The following ASTN1 variants were observed in gnomAD, a reference collection of about 807,000 sequenced individuals.
ASTN1 encodes the protein astrotactin-1.
Under a neutral mutation model 140.7 loss-of-function variants are expected in ASTN1, and 41 were observed. That is an observed-to-expected ratio of 0.29 (90% confidence interval 0.23 to 0.38). The LOEUF (loss-of-function observed/expected upper bound fraction) is 0.38. Among genes scored for constraint, ASTN1 ranks in the 10% least tolerant of loss-of-function variants. The probability of loss-of-function intolerance (pLI) is 1.00; values close to 1 mark genes in which losing one functional copy is unlikely to be tolerated. For missense variants in ASTN1, 1,479 were observed against 1,678.8 expected (o/e 0.88, Z 2.08); for synonymous variants, 640 against 652.2 (o/e 0.98, Z 0.29).
chr1:176,905,841 G>A (rs1176023423), intron 16 of ASTN1, among the ~76,000 whole-genome samples: 1 of 152,194 alleles, frequency 6.6e-6, no homozygotes, highest in Non-Finnish European at 1.5e-5. Flanking sequence ...ATTACGAGAT[G>A]TGGTTTCACC....
At chr1:176,924,739 T>C (rs1016728539) in intron 16 of ASTN1, among the ~76,000 whole-genome samples, 1 of 152,224 alleles carries the variant, frequency 6.6e-6, no homozygotes, top group South Asian at 2.1e-4. Flanking sequence ...CAGAATATGA[T>C]AAAATTAACT....
intron 14 of ASTN1, among the ~76,000 whole-genome samples, chr1:176,939,095 GAGCAGGAC>G (rs1671574598): frequency 6.6e-6 from 1 of 151,310 alleles, no homozygotes; most frequent in African/African-American, 2.4e-5. Context: ...ATGGGTGACA[GAGCAGGAC>G]ACCATCTCAA....
rs537943866 is a variant in ASTN1 at position 176,914,809 on chromosome 1, C to A, written c.2671+19343G>T. ...GCAACCGTGTACAGAGAATGAGGGACAATCCAGGGGGTATTTTAGAAGAAA... is the reference window on the plus strand; with the variant it reads ...GCAACCGTGTACAGAGAATGAGGGAAAATCCAGGGGGTATTTTAGAAGAAA... On this transcript the variant is annotated intron_variant, in intron 16 of 22. Coordinates refer to ENST00000361833, the MANE Select transcript of ASTN1 (RefSeq NM_004319.3). Among the ~76,000 whole-genome samples, 4 of 152,248 alleles carry A rather than the reference C, an allele frequency of 2.6e-5. No individual in the cohort carries two copies. In the East Asian group the frequency reaches 7.7e-4, roughly 29 times the overall value.
At chr1:177,035,458 T>G (rs1676667429) in intron 2 of ASTN1, among the ~76,000 whole-genome samples, 1 of 152,206 alleles carries the variant, frequency 6.6e-6, no homozygotes, top group Admixed American at 6.5e-5. Context: ...TAGCTGACAG[T>G]GGGTCAAAGG....
chr1:176,912,092 C>A lies in ASTN1; in HGVS notation c.2672-17262G>T, dbSNP rs1485504419. On this transcript the variant is annotated intron_variant, in intron 16 of 22. Coordinates refer to ENST00000361833, the MANE Select transcript of ASTN1 (RefSeq NM_004319.3). ...CTTTAATAAAATATCAAATAAGGAC[C>A]AGATTATATCAGGAGACGTATGCAA... 2.0e-5 allele frequency among the ~76,000 whole-genome samples: 3 copies of A among 152,082 alleles called. No individual in the cohort carries two copies. The East Asian group carries it at 5.8e-4, about 29-fold the overall frequency.
intron 1 of ASTN1, among the ~76,000 whole-genome samples, chr1:177,151,822 A>G (rs914004857): frequency 2.0e-5 from 3 of 152,192 alleles, no homozygotes; most frequent in Non-Finnish European, 4.4e-5. Context: ...TCTGTAGCCC[A>G]TATGTGGCCA....
chr1:176,897,411 G>T (rs1403100599), intron 16 of ASTN1, among the ~76,000 whole-genome samples: 2 of 152,072 alleles, frequency 1.3e-5, no homozygotes, highest in African/African-American at 4.8e-5. Context: ...AGGGCTTGAG[G>T]GTCTCCTGGT....
intron 16 of ASTN1, among the ~76,000 whole-genome samples, chr1:176,913,421 T>C (rs1670336695): frequency 6.6e-6 from 1 of 152,236 alleles, no homozygotes; most frequent in African/African-American, 2.4e-5. Context: ...GTGCCCAGCA[T>C]TGGGCTAGGT....
At position 176,982,027 on chromosome 1, in the gene ASTN1, C is replaced by T. The variant is rs1421176695; in HGVS notation, c.1524-16790G>A. ...GAGGTAACTAACTGGAAGGGGAGGT[C>T]AGCAGGAAGACAGAAGAGTCTTAAG... On this transcript the variant is annotated intron_variant, in intron 8 of 22. Transcript: ENST00000361833. Among the ~76,000 whole-genome samples, 3 of 152,108 alleles carry T rather than the reference C, an allele frequency of 2.0e-5. No homozygotes were observed. In the East Asian group the frequency reaches 5.8e-4, roughly 29 times the overall value.
chr1:177,080,179 C>T (rs760776805), intron 1 of ASTN1, among the ~76,000 whole-genome samples: 11 of 151,098 alleles, frequency 7.3e-5, no homozygotes, highest in Non-Finnish European at 1.3e-4. Flanking sequence ...TGTTCAACAG[C>T]CACCCACCTA....
At chr1:176,933,655 T>C (rs1023719794) in intron 16 of ASTN1, among the ~76,000 whole-genome samples, 1 of 152,208 alleles carries the variant, frequency 6.6e-6, no homozygotes, top group African/African-American at 2.4e-5. Flanking sequence ...ACTTGGCCAA[T>C]AGAGATTCCC....
chr1:176,977,577 G>A (rs779557864), intron 8 of ASTN1, among the ~76,000 whole-genome samples: 2 of 152,202 alleles, frequency 1.3e-5, no homozygotes, highest in Non-Finnish European at 2.9e-5. Flanking sequence ...CATTTATTTT[G>A]TCAATTTTGA....
At chr1:176,965,066 C>G in intron 9 of ASTN1, 97 bp downstream of exon 9, 2 of 1,183,790 alleles carry the variant, frequency 1.7e-6, no homozygotes, top group Non-Finnish European at 1.2e-6. Flanking sequence ...CAAGGTGTTT[C>G]CTATTTTATA....
chr1:177,081,371 T>C (rs1324446623), intron 1 of ASTN1, among the ~76,000 whole-genome samples: 1 of 152,064 alleles, frequency 6.6e-6, no homozygotes, highest in Non-Finnish European at 1.5e-5. Context: ...AATTTATATA[T>C]CAACATGGGC....
chr1:177,113,577 A>G (rs915169913), intron 1 of ASTN1, among the ~76,000 whole-genome samples: 3 of 151,918 alleles, frequency 2.0e-5, no homozygotes, highest in Non-Finnish European at 2.9e-5. Context: ...TACTTGTTCT[A>G]TCTTCCCCCT....
chr1:177,113,295 C>G (rs942528579), intron 1 of ASTN1, among the ~76,000 whole-genome samples: 4 of 152,188 alleles, frequency 2.6e-5, no homozygotes, highest in Non-Finnish European at 5.9e-5. Flanking sequence ...CACTGTCCCC[C>G]CAACCCCCAG....
chr1:177,139,716 A>G (rs897815868), intron 1 of ASTN1, among the ~76,000 whole-genome samples: 11 of 152,198 alleles, frequency 7.2e-5, no homozygotes, highest in Admixed American at 6.5e-5. Context: ...GTCTACAGAG[A>G]GCATCAAGAG....
intron 1 of ASTN1, among the ~76,000 whole-genome samples, chr1:177,161,982 T>C (rs1159619307): frequency 6.6e-6 from 1 of 152,140 alleles, no homozygotes; most frequent in Non-Finnish European, 1.5e-5. Context: ...TTAACTTCTG[T>C]TTCCTAGTAA....
At chr1:177,149,445 G>C (rs1173991139) in intron 1 of ASTN1, among the ~76,000 whole-genome samples, 4 of 65,220 alleles carry the variant, frequency 6.1e-5, no homozygotes, top group South Asian at 5.3e-4. Flanking sequence ...TATATATATA[G>C]TATATATATA....
Sources: gnomAD v4.1 joint callset for allele counts (sites outside exome capture counted in the v4.1 genomes callset) on GRCh38, gnomAD v4.1.1 for gene constraint, MANE v1.5 for transcripts, NCBI Gene and HGNC (gene_info 2026-07-23, HGNC 2026-07-21) for gene names.